CHRM3: variants seen among roughly 807,000 people sequenced by gnomAD.
CHRM3 encodes the protein muscarinic acetylcholine receptor M3.
CHRM3 carries 11 observed loss-of-function variants against 41.8 expected under a neutral mutation model. The observed-to-expected ratio is 0.26, with a 90% CI of 0.17 to 0.44. The LOEUF (loss-of-function observed/expected upper bound fraction) is 0.44. CHRM3 is among the 20% of genes least tolerant of loss of function. The pLI is 1.00. For synonymous variants in CHRM3, 297 were observed against 301.4 expected (o/e 0.99, Z 0.15); for missense variants, 571 against 745.4 (o/e 0.77, Z 2.72).
intron 1 of CHRM3, among the ~76,000 whole-genome samples, chr1:239,448,108 T>A (rs1664285500): frequency 6.6e-6 from 1 of 152,320 alleles, no homozygotes; most frequent in Admixed American, 6.5e-5. Flanking sequence ...GTTCTCATGA[T>A]TAAACTGAAG....
chr1:239,596,077 A>AC (rs1395660593), intron 3 of CHRM3, among the ~76,000 whole-genome samples: 4 of 152,296 alleles, frequency 2.6e-5, no homozygotes, highest in African/African-American at 9.6e-5. Context: ...GCAATTTTAT[A>AC]CCTAACATTT....
At chr1:239,860,791 A>C (rs1357509796) in intron 6 of CHRM3, among the ~76,000 whole-genome samples, 1 of 152,234 alleles carries the variant, frequency 6.6e-6, no homozygotes, top group Non-Finnish European at 1.5e-5. Context: ...AGCAAGTGAT[A>C]GGGTAGAATT....
intron 5 of CHRM3, among the ~76,000 whole-genome samples, chr1:239,811,025 T>C (rs542745421): frequency 2.4e-4 from 36 of 152,344 alleles, no homozygotes; most frequent in African/African-American, 8.7e-4. Context: ...CATAGTCAAA[T>C]TAAACATATA....
chr1:239,740,019 A>G (rs1159671748), intron 5 of CHRM3, among the ~76,000 whole-genome samples: 1 of 152,140 alleles, frequency 6.6e-6, no homozygotes, highest in Non-Finnish European at 1.5e-5. Flanking sequence ...TGGAGTCAGA[A>G]GAGTGATAGA....
At chr1:239,717,533 T>C (rs1307528515) in intron 5 of CHRM3, among the ~76,000 whole-genome samples, 1 of 152,076 alleles carries the variant, frequency 6.6e-6, no homozygotes, top group Non-Finnish European at 1.5e-5. Context: ...ATGTGGTTTT[T>C]GGTTGTTATC....
At chr1:239,718,058 G>A (rs747726893) in intron 5 of CHRM3, among the ~76,000 whole-genome samples, 3 of 151,898 alleles carry the variant, frequency 2.0e-5, no homozygotes, top group Non-Finnish European at 4.4e-5. Flanking sequence ...TCATGTTACC[G>A]TTTCAAAAAA....
chr1:239,817,161 C>A (rs979020207), intron 5 of CHRM3, among the ~76,000 whole-genome samples: 1 of 152,132 alleles, frequency 6.6e-6, no homozygotes, highest in Admixed American at 6.5e-5. Context: ...CTTCTCTCCA[C>A]GGAGACAGGA....
intron 3 of CHRM3, among the ~76,000 whole-genome samples, chr1:239,571,757 C>T (rs1661850887): frequency 6.6e-6 from 1 of 152,202 alleles, no homozygotes; most frequent in African/African-American, 2.4e-5. Context: ...TCCACTATGT[C>T]CAACTCCAAA....
intron 1 of CHRM3, among the ~76,000 whole-genome samples, chr1:239,394,152 G>C (rs1156545684): frequency 6.6e-6 from 1 of 152,186 alleles, no homozygotes; most frequent in Non-Finnish European, 1.5e-5. Flanking sequence ...TAGATGTTGC[G>C]TGAATTTCTT....
At chr1:239,801,804 T>G (rs1032461083) in intron 5 of CHRM3, among the ~76,000 whole-genome samples, 7 of 152,144 alleles carry the variant, frequency 4.6e-5, no homozygotes, top group Admixed American at 1.3e-4. Flanking sequence ...TGACCCAACT[T>G]TCAAGAAGCT....
rs143727126 is a variant in CHRM3, at chr1:239,825,244, G to A, written c.-146-2008G>A. On this transcript the variant is annotated intron_variant, in intron 5 of 6. Transcript: ENST00000676153. ...ACTAGCATTCTCCTCATCTATTCAG[G>A]CCAGTACTATCTATTCTAGCCTAAA... 7.1e-3 allele frequency among the ~76,000 whole-genome samples: 1,081 copies of A among 152,188 alleles called. 11 individuals are homozygous for A. The highest frequency in any genetic ancestry group is 0.025 in the African/African-American group (1,028 of 41,524).
At chr1:239,430,060 T>C (rs1326010119) in intron 1 of CHRM3, among the ~76,000 whole-genome samples, 2 of 150,098 alleles carry the variant, frequency 1.3e-5, no homozygotes, top group Non-Finnish European at 3.0e-5. Flanking sequence ...CTCCACCTCC[T>C]GGGTTCAGGC....
chr1:239,525,413 T>C (rs1165136126), intron 2 of CHRM3, among the ~76,000 whole-genome samples: 1 of 151,920 alleles, frequency 6.6e-6, no homozygotes, highest in East Asian at 1.9e-4. Context: ...GATTTGACTA[T>C]CAGTTATTGT....
At position 239,709,876 on chromosome 1, in the gene CHRM3, A is replaced by G. The variant is rs940823180; in HGVS notation, c.-147+31588A>G. Among the ~76,000 whole-genome samples the G allele has an allele frequency of 2.0e-5, 3 of 152,222 alleles. No homozygotes were observed. The East Asian group carries it at 5.8e-4, about 29-fold the overall frequency. The stretch of plus-strand genomic sequence containing the variant: ...AAACCTCAAGTGTTTTAAAAAAATT[A>G]ATATCAAAATGTAAAATAATATCCA... On this transcript the variant is annotated intron_variant, in intron 5 of 6. Coordinates refer to ENST00000676153, the MANE Select transcript of CHRM3 (RefSeq NM_001375978.1).
chr1:239,646,582 T>C (rs1671758408), intron 4 of CHRM3, among the ~76,000 whole-genome samples: 1 of 152,078 alleles, frequency 6.6e-6, no homozygotes, highest in African/African-American at 2.4e-5. Context: ...TATAAGAAGG[T>C]TATATAATAT....
At chr1:239,840,695 T>C (rs1237983650) in intron 6 of CHRM3, among the ~76,000 whole-genome samples, 3 of 152,196 alleles carry the variant, frequency 2.0e-5, no homozygotes, top group Non-Finnish European at 4.4e-5. Context: ...CCAAATCAAA[T>C]GAAATCTTTA....
At chr1:239,889,950 G>A (rs1678405356) in intron 6 of CHRM3, among the ~76,000 whole-genome samples, 1 of 152,166 alleles carries the variant, frequency 6.6e-6, no homozygotes, top group Non-Finnish European at 1.5e-5. Context: ...TGTAGAACTG[G>A]AAATGTATGA....
intron 5 of CHRM3, among the ~76,000 whole-genome samples, chr1:239,802,694 C>T (rs1328308280): frequency 1.3e-5 from 2 of 152,124 alleles, no homozygotes; most frequent in African/African-American, 2.4e-5. Context: ...CCTCCCTGGG[C>T]TTAGGTGATC....
At chr1:239,546,463 G>T (rs1014264291) in intron 3 of CHRM3, 1 of 152,110 alleles carries the variant, frequency 6.6e-6, no homozygotes, top group African/African-American at 2.4e-5. Context: ...AACAGCACAA[G>T]TAGAGAGCTG....
Sources: gnomAD v4.1 joint callset for allele counts (sites outside exome capture counted in the v4.1 genomes callset) on GRCh38, gnomAD v4.1.1 for gene constraint, MANE v1.5 for transcripts, NCBI Gene and HGNC (gene_info 2026-07-23, HGNC 2026-07-21) for gene names.